The following CTNNA1 variants were observed in gnomAD, a reference collection of about 807,000 sequenced individuals.
CTNNA1 encodes the protein catenin alpha-1.
CTNNA1 carries 37 observed loss-of-function variants against 98.4 expected under a neutral mutation model. The ratio of observed to expected loss-of-function variants is 0.38; its 90% CI spans 0.29 to 0.49. CTNNA1 has a LOEUF of 0.49. CTNNA1 is among the 20% of genes least tolerant of loss of function. The pLI, the probability that CTNNA1 is intolerant of heterozygous loss-of-function variation, is 0.95. For synonymous variants in CTNNA1, 404 were observed against 413.2 expected, an observed-to-expected ratio of 0.98 and a Z score of 0.27; for missense variants, 761 against 1,147.2, an observed-to-expected ratio of 0.66 and a Z score of 4.86.
At chr5:138,807,770 G>A (rs1758249265) in intron 3 of CTNNA1, among the ~76,000 whole-genome samples, 1 of 151,862 alleles carries the variant, frequency 6.6e-6, no homozygotes, top group Non-Finnish European at 1.5e-5. Context: ...TATTTGAGAT[G>A]GAGTTTCACT....
intron 13 of CTNNA1, among the ~76,000 whole-genome samples, chr5:138,927,062 C>A (rs1016076699): frequency 6.6e-6 from 1 of 152,188 alleles, no homozygotes; most frequent in East Asian, 1.9e-4. Context: ...CAGTAGAGAA[C>A]CTGAACATGT....
chr5:138,856,783 A>T (rs1009741185), intron 7 of CTNNA1, among the ~76,000 whole-genome samples: 1 of 152,222 alleles, frequency 6.6e-6, no homozygotes, highest in South Asian at 2.1e-4. Context: ...TCCCTCTACT[A>T]CAAGGTAGAA....
At chr5:138,797,621 G>A (rs146486870) in intron 3 of CTNNA1, among the ~76,000 whole-genome samples, 13 of 152,186 alleles carry the variant, frequency 8.5e-5, no homozygotes, top group African/African-American at 3.1e-4. Context: ...ATTATTTTGG[G>A]GAAGGAGATA....
chr5:138,838,287 T>C (rs1166576004), intron 7 of CTNNA1, among the ~76,000 whole-genome samples: 1 of 152,260 alleles, frequency 6.6e-6, no homozygotes, highest in East Asian at 1.9e-4. Flanking sequence ...GTTTCTTGGG[T>C]AAATTTTGGA....
intron 3 of CTNNA1, among the ~76,000 whole-genome samples, chr5:138,791,849 T>C (rs825757): frequency 6.6e-6 from 1 of 151,154 alleles, no homozygotes; most frequent in African/African-American, 2.4e-5. Flanking sequence ...CTTGTTTTTT[T>C]AAATTTTTAT....
chr5:138,850,112 GT>G (rs1052136841), intron 7 of CTNNA1, among the ~76,000 whole-genome samples: 1 of 152,068 alleles, frequency 6.6e-6, no homozygotes, highest in Non-Finnish European at 1.5e-5. Context: ...CACTTATTTT[GT>G]TTTTTTCCTC....
At chr5:138,774,610 ATTGTGCTG>A (rs1474279498) in intron 1 of CTNNA1, among the ~76,000 whole-genome samples, 1 of 150,062 alleles carries the variant, frequency 6.7e-6, no homozygotes, top group Non-Finnish European at 1.5e-5. Context: ...TGTTGTGCAT[ATTGTGCTG>A]TTGTGCCACC....
intron 1 of CTNNA1, among the ~76,000 whole-genome samples, chr5:138,778,255 A>G (rs1389925403): frequency 2.6e-5 from 4 of 152,034 alleles, no homozygotes; most frequent in Non-Finnish European, 4.4e-5. Flanking sequence ...TGGCCTCCCA[A>G]AGTGCTGGGA....
intron 5 of CTNNA1, among the ~76,000 whole-genome samples, chr5:138,820,049 G>T (rs1002779283): frequency 7.3e-5 from 5 of 68,518 alleles, no homozygotes; most frequent in African/African-American, 3.2e-4. Context: ...GCCCCCCACC[G>T]CCAGCCATGC....
chr5:138,804,421 A>T (rs1398515309), intron 3 of CTNNA1, among the ~76,000 whole-genome samples: 2 of 152,158 alleles, frequency 1.3e-5, no homozygotes, highest in African/African-American at 4.8e-5. Context: ...AGATGTTTTC[A>T]TCATCCTAGA....
chr5:138,810,456 C>T (rs1758565728), intron 4 of CTNNA1, among the ~76,000 whole-genome samples: 1 of 152,158 alleles, frequency 6.6e-6, no homozygotes, highest in Non-Finnish European at 1.5e-5. Context: ...GACTCCTTCC[C>T]TTTTTCCAGT....
chr5:138,916,127 AATATCCAGAATAGAC>A (rs1761684342), intron 10 of CTNNA1, among the ~76,000 whole-genome samples: 1 of 151,796 alleles, frequency 6.6e-6, no homozygotes, highest in Non-Finnish European at 1.5e-5. Flanking sequence ...ATTTATCTGA[AATATCCAGAATAGAC>A]AAATCCATAG....
intron 5 of CTNNA1, among the ~76,000 whole-genome samples, chr5:138,820,715 AGTT>A (rs1441659561): frequency 7.0e-6 from 1 of 142,652 alleles, no homozygotes; most frequent in African/African-American, 2.5e-5. Flanking sequence ...ATTAAAATGT[AGTT>A]GTTTAGTCGT....
rs1372677161 is a variant in CTNNA1 at position 138,823,913 on chromosome 5, C to T, written c.589-617C>T. 3.2e-5 allele frequency among the ~76,000 whole-genome samples: 4 copies of T among 124,902 alleles called. No individual in the cohort carries two copies. In the South Asian group the frequency reaches 1.1e-3, roughly 33 times the overall value. 81.9% of individuals were successfully genotyped at this position (124,902 alleles called of 152,430 possible). ...CGGAGCTTGCAGTGAGCCGAGATCC[C>T]GCCACTGCACTCCAGCCTGGGCGAC... On this transcript the variant is annotated intron_variant, in intron 5 of 17. Coordinates refer to ENST00000302763, the MANE Select transcript of CTNNA1 (RefSeq NM_001903.5).
chr5:138,788,280 T>G (rs1187931557), intron 3 of CTNNA1, among the ~76,000 whole-genome samples: 1 of 152,186 alleles, frequency 6.6e-6, no homozygotes, highest in African/African-American at 2.4e-5. Context: ...GATAGGCACT[T>G]AAATGTTTGA....
At chr5:138,871,736 G>T (rs1400765293) in intron 7 of CTNNA1, 2 of 152,216 alleles carry the variant, frequency 1.3e-5, no homozygotes, top group African/African-American at 4.8e-5. Context: ...GAGTTGTTCT[G>T]CCATGAGATT....
intron 1 of CTNNA1, among the ~76,000 whole-genome samples, chr5:138,759,181 CT>C (rs972583946): frequency 6.6e-6 from 1 of 151,966 alleles, no homozygotes; most frequent in Non-Finnish European, 1.5e-5. Flanking sequence ...TGACCTGGGA[CT>C]TTTTAATTTT....
chr5:138,847,150 G>A (rs1762792363), intron 7 of CTNNA1, among the ~76,000 whole-genome samples: 1 of 152,192 alleles, frequency 6.6e-6, no homozygotes, highest in Non-Finnish European at 1.5e-5. Context: ...TAAGTGAAGT[G>A]GTTTGTTTTA....
intron 11 of CTNNA1, among the ~76,000 whole-genome samples, chr5:138,922,401 G>A (rs1763098329): frequency 6.6e-6 from 1 of 152,176 alleles, no homozygotes; most frequent in African/African-American, 2.4e-5. Flanking sequence ...GATCTGTAGG[G>A]CCAGACCTAG....
Sources: gnomAD v4.1 joint callset for allele counts (sites outside exome capture counted in the v4.1 genomes callset) on GRCh38, gnomAD v4.1.1 for gene constraint, MANE v1.5 for transcripts, NCBI Gene and HGNC (gene_info 2026-07-23, HGNC 2026-07-21) for gene names.